PRKCH: variants seen among roughly 807,000 people sequenced by gnomAD.
The protein encoded by PRKCH is protein kinase C eta type.
PRKCH carries 28 observed loss-of-function variants against 82.5 expected under a neutral mutation model. The observed-to-expected ratio is 0.34, with a 90% CI of 0.25 to 0.47. The LOEUF (loss-of-function observed/expected upper bound fraction) is 0.47. Among genes scored for constraint, PRKCH ranks in the 20% least tolerant of loss-of-function variants. PRKCH has a pLI of 1.00. For synonymous variants in PRKCH, 322 were observed against 327.4 expected (o/e 0.98, Z 0.18); for missense variants, 705 against 881.8 (o/e 0.80, Z 2.54).
intron 2 of PRKCH, among the ~76,000 whole-genome samples, chr14:61,394,120 A>G (rs1448237457): frequency 6.6e-6 from 1 of 152,196 alleles, no homozygotes; most frequent in South Asian, 2.1e-4. Context: ...TTTGAGAAAT[A>G]GTTTTCTCCA....
chr14:61,507,317 C>G (rs1027485046), intron 10 of PRKCH, among the ~76,000 whole-genome samples: 2 of 151,990 alleles, frequency 1.3e-5, no homozygotes, highest in African/African-American at 4.8e-5. Context: ...AAAAGGGAAC[C>G]CTATGCACTG....
At chr14:61,444,255 GA>G (rs1339548791) in intron 3 of PRKCH, among the ~76,000 whole-genome samples, 3 of 152,116 alleles carry the variant, frequency 2.0e-5, no homozygotes, top group Non-Finnish European at 4.4e-5. Flanking sequence ...TGTATTTAGG[GA>G]AAAAATTGTA....
upstream of PRKCH, among the ~76,000 whole-genome samples, chr14:61,321,453 G>A (rs997428512): frequency 1.3e-4 from 20 of 152,224 alleles, no homozygotes; most frequent in African/African-American, 4.8e-4. The surrounding 1 kb of genome is among the most constrained non-coding windows in gnomAD (Gnocchi z 4.1). Flanking sequence ...GGGCGCGCAG[G>A]GCGGCGCAAG....
intron 10 of PRKCH, among the ~76,000 whole-genome samples, chr14:61,523,567 T>A (rs1202945541): frequency 1.3e-5 from 2 of 152,204 alleles, no homozygotes; most frequent in Admixed American, 1.3e-4. Flanking sequence ...AGAGTTATTT[T>A]GAGGATAAAA....
At chr14:61,273,223 C>G (rs1024315701) in intron 1 of PRKCH, among the ~76,000 whole-genome samples, 1 of 152,140 alleles carries the variant, frequency 6.6e-6, no homozygotes, top group Non-Finnish European at 1.5e-5. Flanking sequence ...ACTTAAATAA[C>G]TATGGTGTGA....
At chr14:61,285,136 AT>A (rs35214569) in intron 1 of PRKCH, among the ~76,000 whole-genome samples, 1 of 152,056 alleles carries the variant, frequency 6.6e-6, no homozygotes, top group African/African-American at 2.4e-5. Context: ...TTTCTTTCAG[AT>A]TTTTTTCCTT....
chr14:61,253,133 T>A (rs2140074304), intron 1 of PRKCH, among the ~76,000 whole-genome samples: 1 of 152,352 alleles, frequency 6.6e-6, no homozygotes, highest in Non-Finnish European at 1.5e-5. Flanking sequence ...TATGTTTTTT[T>A]AGGTTTCTAG....
At chr14:61,319,375 G>A (rs918619461), upstream of PRKCH, among the ~76,000 whole-genome samples, 2 of 152,046 alleles carry the variant, frequency 1.3e-5, no homozygotes, top group African/African-American at 4.8e-5. Flanking sequence ...TCTTCTATTA[G>A]TTGTTTTTCC....
At chr14:61,443,027 A>T in intron 2 of PRKCH, 84 bp from the exon 3 acceptor site, 1 of 1,329,318 alleles carries the variant, frequency 7.5e-7, no homozygotes, top group Non-Finnish European at 1.0e-6. Context: ...AGGAGTGAGC[A>T]CTTGAACTAT....
chr14:61,281,179 A>T, intron 1 of PRKCH: 1 of 1,269,014 alleles, frequency 7.9e-7, no homozygotes, highest in Non-Finnish European at 1.0e-6. Flanking sequence ...GCGCGGGCTG[A>T]CCGAGTGGGG....
In PRKCH at chr14:61,445,702, G is replaced by C; in HGVS notation, c.589G>C (p.Gly197Arg). Residue 197 changes from glycine (G) to arginine (R), a missense_variant, in exon 4 of 14, where the codon GGG becomes CGG. Gly to Arg is a moderately radical substitution (Grantham distance 125, BLOSUM62 -2). Transcript: ENST00000332981. Reference sequence around the variant, plus strand: ...TCTTCTCTTCAACAGGGGAGTGTTTGGGAAACAGGGTTATCAGTGCCAAGG... The same window carrying C: ...TCTTCTCTTCAACAGGGGAGTGTTTCGGAAACAGGGTTATCAGTGCCAAGG... ...HCREFIWGVF[G>R]KQGYQCQVCT... 6.2e-7 allele frequency: 1 copy of C among 1,610,128 alleles called. No homozygotes were observed. Among genetic ancestry groups the C allele is most frequent in the Non-Finnish European group, 8.5e-7 (1 of 1,176,440 alleles).
At chr14:61,334,828 G>A (rs2045835173) in intron 1 of PRKCH, among the ~76,000 whole-genome samples, 1 of 152,078 alleles carries the variant, frequency 6.6e-6, no homozygotes, top group South Asian at 2.1e-4. Context: ...GATAGGCACT[G>A]GAGAAATGCT....
intron 1 of PRKCH, among the ~76,000 whole-genome samples, chr14:61,228,018 T>C (rs1339004234): frequency 6.6e-6 from 1 of 152,212 alleles, no homozygotes; most frequent in African/African-American, 2.4e-5. Context: ...AAAGGGATTG[T>C]CTGCTCCAAT....
intron 12 of PRKCH, among the ~76,000 whole-genome samples, chr14:61,535,206 G>C (rs1255043161): frequency 6.6e-6 from 1 of 152,148 alleles, no homozygotes; most frequent in African/African-American, 2.4e-5. Context: ...GCAATACTCA[G>C]GTTCTGTGCG....
intron 9 of PRKCH, among the ~76,000 whole-genome samples, chr14:61,468,321 A>T (rs995260714): frequency 4.6e-5 from 7 of 152,232 alleles, no homozygotes; most frequent in African/African-American, 1.4e-4. Context: ...TTCCTACCTT[A>T]TTCATAGTGT....
At chr14:61,329,234 C>CCTTTTTTTT (rs2045746965) in intron 1 of PRKCH, among the ~76,000 whole-genome samples, 1 of 63,462 alleles carries the variant, frequency 1.6e-5, no homozygotes, top group African/African-American at 6.8e-5. Context: ...ACTCCTGAGT[C>CCTTTTTTTT]TTTTTTTTTT....
At chr14:61,379,736 G>T (rs1388705041) in intron 1 of PRKCH, among the ~76,000 whole-genome samples, 1 of 152,150 alleles carries the variant, frequency 6.6e-6, no homozygotes, top group Non-Finnish European at 1.5e-5. Flanking sequence ...GAAAGAAGGG[G>T]GCTGTGAGGC....
chr14:61,313,150 A>T (rs1180473785), intron 1 of PRKCH, among the ~76,000 whole-genome samples: 1 of 152,192 alleles, frequency 6.6e-6, no homozygotes, highest in Admixed American at 6.5e-5. Context: ...ATCAAGACCT[A>T]GAGAAAACCC....
intron 1 of PRKCH, among the ~76,000 whole-genome samples, chr14:61,237,101 G>C (rs1168630029): frequency 1.3e-5 from 2 of 151,874 alleles, no homozygotes; most frequent in Non-Finnish European, 2.9e-5. Flanking sequence ...CCCCCTTCCT[G>C]TAACAGTGGC....
Sources: gnomAD v4.1 joint callset for allele counts (sites outside exome capture counted in the v4.1 genomes callset) on GRCh38, gnomAD v4.1.1 for gene constraint, Gnocchi (gnomAD v3.1) non-coding constraint, MANE v1.5 for transcripts, NCBI Gene and HGNC (gene_info 2026-07-23, HGNC 2026-07-21) for gene names.